COL20A1: variants seen among roughly 807,000 people sequenced by gnomAD.
COL20A1 encodes collagen type XX alpha 1 chain.
In COL20A1, 164 loss-of-function variants were observed where a neutral mutation model predicts 152.9. The ratio of observed to expected loss-of-function variants is 1.07; its 90% confidence interval spans 0.94 to 1.22. The LOEUF (loss-of-function observed/expected upper bound fraction) is 1.22, where lower values mean the gene tolerates loss of function less well. Ranked by LOEUF, COL20A1 falls within the 50% of genes most tolerant of loss-of-function variation. The probability of loss-of-function intolerance (pLI) is 0.00; values close to 1 mark genes in which losing one functional copy is unlikely to be tolerated. For missense variants in COL20A1, 1,873 were observed against 1,744.8 expected (o/e 1.07, Z -1.31); for synonymous variants, 864 against 756.0 (o/e 1.14, Z -2.34).
rs371746551 is a variant in COL20A1, at chr20:63,310,369, A to G, written c.1264-12A>G. 212 of 1,609,904 alleles carry G rather than the reference A, an allele frequency of 1.3e-4. No individual in the cohort carries two copies. The highest frequency in any genetic ancestry group is 1.7e-4 in the Non-Finnish European group (200 of 1,178,982). On this transcript the variant is annotated splice_polypyrimidine_tract_variant and intron_variant, in intron 10 of 35. Transcript: ENST00000358894. ...CCCCTTCCTGGCTCCGTCCTTGCCC[A>G]CTCTGTTCCAGGTGGTGGTGGAGGG...
rs2068030975 is a variant in COL20A1, at chr20:63,312,908, C to A, written c.2050C>A (p.Pro684Thr). The change falls in exon 16 of 36, where the codon CCC becomes ACC. Residue 684 changes from proline (P) to threonine (T), a missense_variant. Coordinates refer to ENST00000358894, the MANE Select transcript of COL20A1 (RefSeq NM_020882.4). ...GCTTGTCTACCAGATCACGTGGACG[C>A]CCCTGGGAGAGGGGAAGGCTCACGA... Reference protein sequence around the residue: ...GVLVYQITWTPLGEGKAHEIS... With the variant: ...GVLVYQITWTTLGEGKAHEIS... 6.4e-7 allele frequency: 1 copy of A among 1,555,712 alleles called. No homozygotes were observed. The highest frequency in any genetic ancestry group is 8.7e-7 in the Non-Finnish European group (1 of 1,149,240).
At chr20:63,300,956 G>A (rs1294442778) in intron 3 of COL20A1, among the ~76,000 whole-genome samples, 1 of 152,068 alleles carries the variant, frequency 6.6e-6, no homozygotes, top group Non-Finnish European at 1.5e-5. Context: ...CTTATTTTTT[G>A]TTTTGGATTT....
rs527286199 is a variant in COL20A1 at position 63,333,292 on chromosome 20, A to G, written c.*2576A>G. On this transcript the variant is annotated 3_prime_UTR_variant, in exon 36 of 36. Transcript: ENST00000358894. ...GCTGCCCCCAGTCACCCCCGTGCCCATGCAGCCGGGGATGTTCAGCTCAGG... is the reference window on the plus strand; with the variant it reads ...GCTGCCCCCAGTCACCCCCGTGCCCGTGCAGCCGGGGATGTTCAGCTCAGG... 6.6e-6 allele frequency: 1 copy of G among 152,336 alleles called. No homozygotes were observed. The highest frequency in any genetic ancestry group is 1.5e-5 in the Non-Finnish European group (1 of 68,168). The allele number at this position is 152,336 out of a possible 1,614,324, so 9.4% of individuals were successfully genotyped here.
chr20:63,316,473 GT>G, intron 20 of COL20A1, 79 bp from the exon 21 acceptor site: 1 of 1,194,716 alleles, frequency 8.4e-7, no homozygotes, highest in Non-Finnish European at 1.1e-6. Flanking sequence ...TCCCTCTTGA[GT>G]CCCCGCTCCT....
At chr20:63,295,418 T>C (rs1234699841) in intron 2 of COL20A1, among the ~76,000 whole-genome samples, 13 of 152,268 alleles carry the variant, frequency 8.5e-5, no homozygotes. Context: ...TTCTCTGTTA[T>C]ATTAATGCTT....
intron 31 of COL20A1, chr20:63,327,733 A>G: frequency 1.7e-6 from 1 of 592,872 alleles, no homozygotes; most frequent in East Asian, 2.8e-5. Context: ...AGCCCCACTC[A>G]GGACTCTGCT....
chr20:63,321,151 T>C, intron 26 of COL20A1, 52 bp downstream of exon 26: 2 of 1,223,100 alleles, frequency 1.6e-6, no homozygotes, highest in Non-Finnish European at 2.3e-6. Flanking sequence ...GGCCAATGTA[T>C]TGCTGCCACT....
At chr20:63,308,202 GC>G in intron 7 of COL20A1, 112 bp downstream of exon 7, 1 of 1,329,248 alleles carries the variant, frequency 7.5e-7, no homozygotes, top group Non-Finnish European at 1.0e-6. Flanking sequence ...GTGGACCTGA[GC>G]CCTGTTCACA....
chr20:63,310,347 C>T (rs746264725), intron 10 of COL20A1, 34 bp from the exon 11 acceptor site: 168 of 1,607,544 alleles, frequency 1.0e-4, no homozygotes, highest in Non-Finnish European at 1.2e-4. Context: ...CGGCACCCCC[C>T]TTCCTGGCTC....
Position 63,320,123 on chromosome 20 carries a change from AGCCCACCC to A in COL20A1, c.3004_3011del (p.Pro1002CysfsTer33). 6.4e-7 allele frequency: 1 copy of A among 1,550,522 alleles called. No individual in the cohort carries two copies. Among genetic ancestry groups the A allele is most frequent in the Non-Finnish European group, 8.7e-7 (1 of 1,147,542 alleles). ...TGAGCGGCCCCTTGGGGAGATGGGC[AGCCCACCC>A]GCTGCGGGCTTCGTCACGCTGGGGA... On this transcript the variant is annotated frameshift_variant, in exon 24 of 36. Coordinates refer to ENST00000358894, the MANE Select transcript of COL20A1 (RefSeq NM_020882.4). LOFTEE classifies it high-confidence loss of function.
intron 29 of COL20A1, 22 bp downstream of exon 29, chr20:63,325,743 G>A: frequency 6.2e-7 from 1 of 1,608,036 alleles, no homozygotes; most frequent in Non-Finnish European, 8.5e-7. Context: ...GGGCTTGGAG[G>A]GTTCTGTCAG....
chr20:63,305,447 C>G lies in COL20A1; in HGVS notation c.224C>G (p.Thr75Ser). Residue 75 changes from threonine to serine, a missense_variant, in exon 4 of 36, where the codon ACC (threonine) becomes AGC (serine). Transcript: ENST00000358894. The surrounding 1 kb of genome is among the most constrained non-coding windows in gnomAD (Gnocchi z 4.9). Reference protein sequence around the residue: ...GDSEQEVILTTKTPKATVGGL... With the variant: ...GDSEQEVILTSKTPKATVGGL... Reference sequence around the variant, plus strand: ...TCGGAACAGGAGGTGATACTGACCACCAAGACCCCTAAGGCCACAGTGGGG... The same window carrying G: ...TCGGAACAGGAGGTGATACTGACCAGCAAGACCCCTAAGGCCACAGTGGGG... 6.3e-7 allele frequency: 1 copy of G among 1,595,618 alleles called. No individual in the cohort carries two copies. The highest frequency in any genetic ancestry group is 8.5e-7 in the Non-Finnish European group (1 of 1,172,736).
rs754423626 is a variant in COL20A1, at chr20:63,309,365, C to T, written c.973C>T (p.Leu325Phe). The change falls in exon 9 of 36, where the codon CTC becomes TTC. Residue 325 changes from leucine to phenylalanine, a missense_variant. Coordinates refer to ENST00000358894, the MANE Select transcript of COL20A1 (RefSeq NM_020882.4). ...VKNADEAELR[L>F]LASPPRDITV... Reference sequence around the variant, plus strand: ...GAACGCCGATGAGGCTGAGCTGAGGCTCCTGGCGTCCCCGCCGAGGGACAT... The same window carrying T: ...GAACGCCGATGAGGCTGAGCTGAGGTTCCTGGCGTCCCCGCCGAGGGACAT... The T allele has an allele frequency of 9.8e-6, 15 of 1,534,246 alleles. No individual in the cohort carries two copies. Among genetic ancestry groups the T allele is most frequent in the Admixed American group, 9.7e-5 (5 of 51,400 alleles).
intron 34 of COL20A1, chr20:63,329,356 C>T (rs555552008): frequency 4.3e-5 from 25 of 577,102 alleles, no homozygotes; most frequent in Admixed American, 1.2e-4. Context: ...CCCCACCTGA[C>T]GCCTTCCCAC....
At chr20:63,324,174 C>A (rs575847433) in intron 27 of COL20A1, 1 of 152,376 alleles carries the variant, frequency 6.6e-6, no homozygotes, top group Non-Finnish European at 1.5e-5. Context: ...GCCGTGACCG[C>A]TGTGTATGAC....
chr20:63,309,440 C>A lies in COL20A1; in HGVS notation c.1048C>A (p.Leu350Met). 6.5e-7 allele frequency: 1 copy of A among 1,543,888 alleles called. No homozygotes were observed. The highest frequency in any genetic ancestry group is 8.8e-7 in the Non-Finnish European group (1 of 1,142,412). Residue 350 changes from leucine to methionine, a missense_variant, in exon 9 of 36, where the codon CTG becomes ATG. By Grantham distance (15) the Leu-to-Met change is conservative. Transcript: ENST00000358894. ...DFLQLGALAGLLSRLICQRLQ... is the reference protein window; with the variant it reads ...DFLQLGALAGMLSRLICQRLQ... ...CCTGCAGCTCGGCGCGCTGGCTGGCCTGCTCAGCCGTCTCATCTGCCAGAG... is the reference window on the plus strand; with the variant it reads ...CCTGCAGCTCGGCGCGCTGGCTGGCATGCTCAGCCGTCTCATCTGCCAGAG...
At chr20:63,312,642 G>T (rs2068025035) in intron 15 of COL20A1, 93 bp downstream of exon 15, 8 of 1,479,674 alleles carry the variant, frequency 5.4e-6, no homozygotes, top group Non-Finnish European at 7.3e-6. Context: ...TTGGGAGCCT[G>T]CCCTGGGTCA....
At position 63,305,124 on chromosome 20, in the gene COL20A1, C is replaced by G. The variant is rs893017173; in HGVS notation, c.194-293C>G. On this transcript the variant is annotated intron_variant, in intron 3 of 35. Transcript: ENST00000358894. The surrounding 1 kb of genome is among the most constrained non-coding windows in gnomAD (Gnocchi z 4.9). ...TCCCTGGGCAGCCCTGTCTTCATAC[C>G]TTGACAGTATCTCTGAGGGTTGATG... Among the ~76,000 whole-genome samples the G allele has an allele frequency of 2.6e-5, 4 of 152,148 alleles. No homozygotes were observed. Among genetic ancestry groups the G allele is most frequent in the Admixed American group, 6.5e-5 (1 of 15,286 alleles).
In COL20A1 at chr20:63,329,584, G is replaced by T; in HGVS notation, c.3782-1G>T. On this transcript the variant is annotated splice_acceptor_variant, in intron 34 of 35. Coordinates refer to ENST00000358894, the MANE Select transcript of COL20A1 (RefSeq NM_020882.4). LOFTEE classifies it high-confidence loss of function. ...CTCACATGCCCTCCCTTTCCTCGCAGGGGAGCCTGGAGCTGTTGGTCAGAT... is the reference window on the plus strand; with the variant it reads ...CTCACATGCCCTCCCTTTCCTCGCATGGGAGCCTGGAGCTGTTGGTCAGAT... 1 of 1,608,976 alleles carries T rather than the reference G, an allele frequency of 6.2e-7. No individual in the cohort carries two copies.
Sources: gnomAD v4.1 joint callset for allele counts (sites outside exome capture counted in the v4.1 genomes callset) on GRCh38, gnomAD v4.1.1 for gene constraint, Gnocchi (gnomAD v3.1) non-coding constraint, MANE v1.5 for transcripts, NCBI Gene and HGNC (gene_info 2026-07-23, HGNC 2026-07-21) for gene names.